The following COPB1 variants were observed in gnomAD, a reference collection of about 807,000 sequenced individuals.
COPB1 encodes coat protein complex I subunit beta 1.
COPB1 carries 21 observed loss-of-function variants against 108.7 expected under a neutral mutation model. The ratio of observed to expected loss-of-function variants is 0.19; its 90% confidence interval spans 0.14 to 0.28. The LOEUF (loss-of-function observed/expected upper bound fraction) is 0.28, where lower values mean the gene tolerates loss of function less well. Among genes scored for constraint, COPB1 ranks in the 10% least tolerant of loss-of-function variants. The pLI is 1.00. For missense variants in COPB1, 919 were observed against 1,141.3 expected, an observed-to-expected ratio of 0.81 and a Z score of 2.81; for synonymous variants, 378 against 386.8, an observed-to-expected ratio of 0.98 and a Z score of 0.27.
intron 14 of COPB1, among the ~76,000 whole-genome samples, chr11:14,470,798 C>T (rs910784272): frequency 1.3e-5 from 2 of 151,736 alleles, no homozygotes; most frequent in African/African-American, 4.8e-5. Flanking sequence ...GCTCAATGAA[C>T]CACAAGTACA....
intron 8 of COPB1, among the ~76,000 whole-genome samples, chr11:14,482,540 A>ATT (rs36093434): frequency 1.4e-5 from 2 of 147,236 alleles, no homozygotes; most frequent in African/African-American, 5.0e-5. Context: ...TTAGAAAAAC[A>ATT]TTTTTTTTTT....
intron 18 of COPB1, among the ~76,000 whole-genome samples, chr11:14,464,428 T>C (rs898138658): frequency 3.3e-5 from 5 of 152,222 alleles, no homozygotes; most frequent in Admixed American, 6.5e-5. Context: ...CTCACCATGG[T>C]AGCCCTATCC....
intron 14 of COPB1, among the ~76,000 whole-genome samples, chr11:14,472,839 C>G (rs1055480204): frequency 4.6e-5 from 7 of 152,218 alleles, no homozygotes; most frequent in African/African-American, 1.7e-4. Context: ...CCTCTCTCAG[C>G]CTTCATGGAA....
intron 6 of COPB1, among the ~76,000 whole-genome samples, chr11:14,487,168 T>C (rs971637652): frequency 9.9e-5 from 15 of 152,264 alleles, no homozygotes; most frequent in African/African-American, 2.9e-4. Context: ...CTGATACCTT[T>C]ACTTGTATAG....
chr11:14,460,380 C>T, intron 19 of COPB1, 83 bp from the exon 20 acceptor site: 1 of 807,102 alleles, frequency 1.2e-6, no homozygotes, highest in Non-Finnish European at 2.0e-6. Context: ...ATATTAAAAA[C>T]TTGTTCCAAC....
rs547608593 is a variant in COPB1, at chr11:14,486,012, C to G, written c.837+355G>C. 7.9e-5 allele frequency among the ~76,000 whole-genome samples: 12 copies of G among 152,228 alleles called. No homozygotes were observed. In the South Asian group the frequency reaches 1.7e-3, roughly 21 times the overall value. On this transcript the variant is annotated intron_variant, in intron 7 of 21. Transcript: ENST00000439561. ...GGTCTTCATCCCCAACCTCTTTACACTGAGTAGGCTGAGGAGGAGGAGGAG... is the reference window on the plus strand; with the variant it reads ...GGTCTTCATCCCCAACCTCTTTACAGTGAGTAGGCTGAGGAGGAGGAGGAG...
rs114953274 is a variant in COPB1, at chr11:14,468,438, A to G, written c.2145+243T>C. 6.9e-3 allele frequency among the ~76,000 whole-genome samples: 1,055 copies of G among 152,274 alleles called. 10 individuals are homozygous for G. Among genetic ancestry groups the G allele is most frequent in the African/African-American group, 0.024 (1,002 of 41,544 alleles). On this transcript the variant is annotated intron_variant, in intron 16 of 21. Transcript: ENST00000439561. ...AACCTTTAAGGATCCCCTTCCCTCA[A>G]CTTCTATTTATTGGTCTATGATTCC...
intron 6 of COPB1, among the ~76,000 whole-genome samples, chr11:14,487,947 G>C (rs931548533): frequency 1.3e-5 from 2 of 152,202 alleles, no homozygotes; most frequent in African/African-American, 4.8e-5. Flanking sequence ...AGAACATTAA[G>C]ATGTAACCAA....
At chr11:14,495,354 T>C (rs1219539164) in intron 2 of COPB1, among the ~76,000 whole-genome samples, 1 of 152,122 alleles carries the variant, frequency 6.6e-6, no homozygotes, top group Non-Finnish European at 1.5e-5. Context: ...CTTAGGGCCA[T>C]TATGAGGAAA....
chr11:14,472,527 CAA>C (rs1185886336), intron 14 of COPB1, among the ~76,000 whole-genome samples: 2 of 152,180 alleles, frequency 1.3e-5, no homozygotes, highest in African/African-American at 4.8e-5. Flanking sequence ...TAGCCCTTAC[CAA>C]AAGAGTCAGC....
At chr11:14,474,643 C>T in intron 13 of COPB1, 28 bp from the exon 14 acceptor site, 1 of 1,611,152 alleles carries the variant, frequency 6.2e-7, no homozygotes, top group Non-Finnish European at 8.5e-7. Flanking sequence ...AAAATCAAAC[C>T]CACCAACTTG....
rs1850114592 is a variant in COPB1, at chr11:14,460,247, T to C, written c.2607A>G (p.Ile869Met). ...GGCATTTCATATTGGTTGACTTTAA[T>C]ATGTGCTGTAAGTAGTCATTTAAAT... ...MVDLNDYLQH[I>M]LKSTNMKCLT... The change falls in exon 20 of 22, where the codon ATA (isoleucine) becomes ATG (methionine). Residue 869 changes from isoleucine to methionine, a missense_variant. Coordinates refer to ENST00000439561, the MANE Select transcript of COPB1 (RefSeq NM_001144061.2). 1 of 1,612,530 alleles carries C rather than the reference T, an allele frequency of 6.2e-7. No individual in the cohort carries two copies. The highest frequency in any genetic ancestry group is 1.1e-5 in the South Asian group (1 of 90,858).
In COPB1 at chr11:14,490,633, A is replaced by C; in HGVS notation, c.538T>G (p.Phe180Val). Reference protein sequence around the residue: ...IPDAPELIHDFLVNEKDASCK... With the variant: ...IPDAPELIHDVLVNEKDASCK... ...CTTGCATCCTTCTCATTCACCAGAAAATCATGTATCAGTTCAGGAGCATCA... is the reference window on the plus strand; with the variant it reads ...CTTGCATCCTTCTCATTCACCAGAACATCATGTATCAGTTCAGGAGCATCA... The change falls in exon 5 of 22, where the codon TTT becomes GTT. Residue 180 changes from phenylalanine (F) to valine (V), a missense_variant. This residue lies in a region of COPB1 where 78 missense variants were observed against 95.4 expected (regional missense o/e 0.82). Coordinates refer to ENST00000439561, the MANE Select transcript of COPB1 (RefSeq NM_001144061.2). The C allele has an allele frequency of 6.2e-7, 1 of 1,613,356 alleles. No homozygotes were observed. The highest frequency in any genetic ancestry group is 8.5e-7 in the Non-Finnish European group (1 of 1,179,720).
intron 17 of COPB1, 128 bp from the exon 18 acceptor site, chr11:14,465,158 T>G: frequency 2.4e-6 from 3 of 1,248,838 alleles, no homozygotes. Context: ...TCTAGGAAAA[T>G]AAGGAATATG....
Position 14,498,973 on chromosome 11 carries a change from G to A in COPB1, c.-45C>T, listed in dbSNP as rs769185790. The A allele has an allele frequency of 6.8e-7, 1 of 1,473,204 alleles. No homozygotes were observed. The highest frequency in any genetic ancestry group is 1.2e-5 in the South Asian group (1 of 80,300). The allele number at this position is 1,473,204 out of a possible 1,614,324, so 91.3% of individuals were successfully genotyped here. A position where few individuals can be genotyped will look rare whatever the true frequency, so the allele number is the denominator to read the frequency against. ...ACCAATCCTTGACACAAGATTTAAG[G>A]ATGCCAGAAAATCTAGAAAAATAAA... is the stretch of plus-strand genomic sequence containing the variant. On this transcript the variant is annotated 5_prime_UTR_variant, in exon 2 of 22. Coordinates refer to ENST00000439561, the MANE Select transcript of COPB1 (RefSeq NM_001144061.2).
intron 4 of COPB1, among the ~76,000 whole-genome samples, chr11:14,492,120 G>C (rs1850917910): frequency 6.6e-6 from 1 of 152,046 alleles, no homozygotes; most frequent in Admixed American, 6.5e-5. Context: ...TATATTGGTA[G>C]GTTTCTCTAA....
intron 17 of COPB1, among the ~76,000 whole-genome samples, chr11:14,465,820 G>A (rs1475589196): frequency 3.4e-5 from 5 of 149,136 alleles, no homozygotes; most frequent in Non-Finnish European, 1.5e-5. Context: ...AGATGTGGAA[G>A]TAAGCAGTCT....
intron 10 of COPB1, 85 bp downstream of exon 10, chr11:14,480,674 A>C (rs997659880): frequency 2.6e-5 from 34 of 1,313,674 alleles, no homozygotes; most frequent in Non-Finnish European, 3.4e-5. Context: ...TAGGCAGCTG[A>C]GATTTCTGGA....
intron 16 of COPB1, 107 bp from the exon 17 acceptor site, chr11:14,466,533 A>C (rs1019991642): frequency 1.9e-6 from 2 of 1,075,552 alleles, no homozygotes; most frequent in Admixed American, 5.3e-5. Context: ...GTTGCTTAGA[A>C]GTCATTTTGA....
Sources: gnomAD v4.1 joint callset for allele counts (sites outside exome capture counted in the v4.1 genomes callset) on GRCh38, gnomAD v4.1.1 for gene constraint, gnomAD v4.1.1 regional missense constraint, MANE v1.5 for transcripts, NCBI Gene and HGNC (gene_info 2026-07-23, HGNC 2026-07-21) for gene names.